The following ERI1 variants were observed in gnomAD, a reference collection of about 807,000 sequenced individuals.
ERI1 encodes exoribonuclease 1.
Under a neutral mutation model 39.7 loss-of-function variants are expected in ERI1, and 39 were observed. The ratio of observed to expected loss-of-function variants is 0.98; its 90% CI spans 0.76 to 1.28. The LOEUF (loss-of-function observed/expected upper bound fraction) is 1.28, where lower values mean the gene tolerates loss of function less well. ERI1 is among the 50% of genes most tolerant of loss of function. The pLI is 0.00. For synonymous variants in ERI1, 204 were observed against 149.6 expected (o/e 1.36, Z -2.65); for missense variants, 581 against 416.9 (o/e 1.39, Z -3.43).
downstream of ERI1, among the ~76,000 whole-genome samples, chr8:9,038,144 A>G (rs951130249): frequency 2.6e-5 from 4 of 152,244 alleles, no homozygotes; most frequent in Non-Finnish European, 4.4e-5. Flanking sequence ...TCCATACCAT[A>G]GAAATTTAGT....
rs915364147 is a variant in ERI1 at position 9,004,087 on chromosome 8, C to CT, written c.108+918dup. 6.2e-6 allele frequency: 8 copies of CT among 1,289,158 alleles called. No homozygotes were observed. The African/African-American group carries it at 1.2e-4, about 20-fold the overall frequency. 79.9% of individuals were successfully genotyped at this position (1,289,158 alleles called of 1,614,324 possible). A position where few individuals can be genotyped will look rare whatever the true frequency, so the allele number is the denominator to read the frequency against. ...TTTTGTTCCCAGTGCCCCTCGCTGC[C>CT]TTGTGTTCTTTGACATTGGAAAGAA... On this transcript the variant is annotated intron_variant, in intron 1 of 6. Transcript: ENST00000250263.
chr8:9,095,493 T>TGTTG (rs1799848874), intron 3 of ERI1, among the ~76,000 whole-genome samples: 1 of 148,582 alleles, frequency 6.7e-6, no homozygotes. Context: ...TTGTTGTTGT[T>TGTTG]GTTTGTTTGT....
intron 3 of ERI1, among the ~76,000 whole-genome samples, chr8:9,057,235 C>T (rs1389195706): frequency 1.3e-5 from 2 of 152,066 alleles, no homozygotes; most frequent in Non-Finnish European, 2.9e-5. Flanking sequence ...GCCTTGACCT[C>T]CTGGGTTCAA....
intron 3 of ERI1, among the ~76,000 whole-genome samples, chr8:9,082,730 C>A (rs1361847704): frequency 6.6e-6 from 1 of 152,156 alleles, no homozygotes; most frequent in Non-Finnish European, 1.5e-5. Flanking sequence ...GAAGGTCGGA[C>A]AGAAAGTCCA....
chr8:9,054,645 C>T (rs1394667082), intron 3 of ERI1, among the ~76,000 whole-genome samples: 1 of 152,248 alleles, frequency 6.6e-6, no homozygotes, highest in Non-Finnish European at 1.5e-5. Context: ...CGTGATTGGG[C>T]CAGGCACCAT....
At chr8:9,098,812 C>G (rs1235717079) in intron 3 of ERI1, among the ~76,000 whole-genome samples, 1 of 152,124 alleles carries the variant, frequency 6.6e-6, no homozygotes, top group East Asian at 1.9e-4. Context: ...GCACATATTT[C>G]AAATATACAA....
At chr8:9,033,878 G>C (rs1471875331), downstream of ERI1, among the ~76,000 whole-genome samples, 1 of 152,116 alleles carries the variant, frequency 6.6e-6, no homozygotes, top group East Asian at 1.9e-4. Flanking sequence ...GTTTAAACTA[G>C]ACATTTTCAA....
intron 3 of ERI1, among the ~76,000 whole-genome samples, chr8:9,077,908 C>T (rs1382285153): frequency 6.6e-6 from 1 of 152,198 alleles, no homozygotes; most frequent in Non-Finnish European, 1.5e-5. Context: ...TTTCTTTCTG[C>T]CAGGGGAATG....
intron 1 of ERI1, among the ~76,000 whole-genome samples, chr8:9,005,337 C>T (rs1015106700): frequency 6.6e-6 from 1 of 151,992 alleles, no homozygotes; most frequent in African/African-American, 2.4e-5. Flanking sequence ...TTGTAGCTTA[C>T]TGTTAAAATG....
intron 3 of ERI1, among the ~76,000 whole-genome samples, chr8:9,081,703 T>TTTGTTTG (rs1554441376): frequency 7.0e-6 from 1 of 142,616 alleles, no homozygotes; most frequent in African/African-American, 2.6e-5. Flanking sequence ...TTTTTTTGGT[T>TTTGTTTG]TTTGTTTGTT....
intron 3 of ERI1, among the ~76,000 whole-genome samples, chr8:9,065,317 T>C (rs1798839718): frequency 6.6e-6 from 1 of 152,144 alleles, no homozygotes; most frequent in Non-Finnish European, 1.5e-5. Context: ...GAGGTGATGA[T>C]GAACTTGGTC....
chr8:9,021,137 G>A lies in ERI1; in HGVS notation c.807+673G>A, dbSNP rs373707138. Among the ~76,000 whole-genome samples, 6 of 152,116 alleles carry A rather than the reference G, an allele frequency of 3.9e-5. No homozygotes were observed. The East Asian group carries it at 5.8e-4, about 15-fold the overall frequency. On this transcript the variant is annotated intron_variant, in intron 6 of 6. Transcript: ENST00000250263. Reference sequence around the variant, plus strand: ...CAGAGCACTCAGTGTTCATACTCCCGTGACTATGGAGAGTGTCCACAACTT... The same window carrying A: ...CAGAGCACTCAGTGTTCATACTCCCATGACTATGGAGAGTGTCCACAACTT...
At chr8:9,096,799 C>A (rs1200585097) in intron 3 of ERI1, 8 of 149,148 alleles carry the variant, frequency 5.4e-5, no homozygotes, top group African/African-American at 1.7e-4. Context: ...TCACTGCAGC[C>A]TCAGACTTTT....
intron 3 of ERI1, among the ~76,000 whole-genome samples, chr8:9,097,596 G>A (rs960711304): frequency 6.6e-6 from 1 of 151,694 alleles, no homozygotes; most frequent in African/African-American, 2.4e-5. Context: ...TTGAACCAGG[G>A]CGGCAGAAGT....
chr8:9,028,181 C>T (rs1797320033), intron 6 of ERI1, among the ~76,000 whole-genome samples: 1 of 152,182 alleles, frequency 6.6e-6, no homozygotes, highest in African/African-American at 2.4e-5. Context: ...TTGAATTCAG[C>T]AGCAAAGCTA....
At chr8:9,009,130 G>A (rs1816395764) in intron 2 of ERI1, 6 of 455,278 alleles carry the variant, frequency 1.3e-5, no homozygotes, top group East Asian at 7.0e-5. Context: ...GGGAGCTAGC[G>A]ATCTAGATGT....
chr8:9,072,063 C>T (rs1049509437), intron 3 of ERI1, among the ~76,000 whole-genome samples: 2 of 152,180 alleles, frequency 1.3e-5, no homozygotes, highest in Admixed American at 1.3e-4. Flanking sequence ...AAGACCCTGT[C>T]ACACACGTAC....
chr8:9,091,571 T>C (rs181407628), intron 3 of ERI1: 2 of 152,308 alleles, frequency 1.3e-5, no homozygotes, highest in Admixed American at 1.3e-4. Context: ...AATGTTTTGC[T>C]TATTTTGCAT....
intron 1 of ERI1, chr8:9,004,391 AC>A (rs1361801811): frequency 1.4e-6 from 1 of 711,828 alleles, no homozygotes; most frequent in Non-Finnish European, 1.8e-6. Flanking sequence ...TGACACTTTT[AC>A]AGCTACTTAA....
Sources: allele counts gnomAD v4.1 joint callset (sites outside exome capture counted in the v4.1 genomes callset), GRCh38; gene constraint gnomAD v4.1.1; transcripts MANE v1.5; gene names NCBI Gene and HGNC (gene_info 2026-07-23, HGNC 2026-07-21).